Variants in TANC2 observed in about 807,000 individuals in gnomAD.
TANC2 encodes the protein tetratricopeptide repeat, ankyrin repeat and coiled-coil containing 2, also known as protein TANC2.
In TANC2, 26 loss-of-function variants were observed where a neutral mutation model predicts 210.5. The observed-to-expected ratio is 0.12, with a 90% CI of 0.09 to 0.17. TANC2 has a LOEUF of 0.17. TANC2 is among the 10% of genes least tolerant of loss of function. TANC2 has a pLI of 1.00. For missense variants in TANC2, 2,129 were observed against 2,608.9 expected (o/e 0.82, Z 4.01); for synonymous variants, 931 against 967.1 (o/e 0.96, Z 0.69).
chr17:63,091,648 G>A (rs183773866), intron 3 of TANC2, among the ~76,000 whole-genome samples: 4 of 152,192 alleles, frequency 2.6e-5, no homozygotes, highest in African/African-American at 9.7e-5. Context: ...GTAGCATGAT[G>A]CCTCCAGCTT....
At chr17:63,368,168 C>T (rs534021565) in intron 14 of TANC2, among the ~76,000 whole-genome samples, 10 of 152,092 alleles carry the variant, frequency 6.6e-5, no homozygotes, top group Admixed American at 2.6e-4. Context: ...TCAAAAGTGA[C>T]GAGATTTATC....
At chr17:63,262,354 T>A (rs1188979149) in intron 8 of TANC2, among the ~76,000 whole-genome samples, 5 of 152,124 alleles carry the variant, frequency 3.3e-5, no homozygotes. Flanking sequence ...AGTTTTTTTG[T>A]TTGTTTGTTT....
intron 3 of TANC2, among the ~76,000 whole-genome samples, chr17:63,087,934 A>G (rs189745040): frequency 7.2e-5 from 11 of 152,238 alleles, no homozygotes; most frequent in Admixed American, 2.6e-4. Flanking sequence ...TGATTTTTCA[A>G]CGTGTTTAGT....
intron 8 of TANC2, among the ~76,000 whole-genome samples, chr17:63,266,490 A>AC (rs2043532020): frequency 1.3e-5 from 2 of 152,204 alleles, no homozygotes; most frequent in Non-Finnish European, 2.9e-5. Context: ...ACTTACTGTC[A>AC]TAATTCTTGT....
At chr17:63,166,570 C>T (rs2040218830) in intron 5 of TANC2, among the ~76,000 whole-genome samples, 1 of 152,140 alleles carries the variant, frequency 6.6e-6, no homozygotes, top group African/African-American at 2.4e-5. Flanking sequence ...ATTTAAGATT[C>T]TAACTGCAAA....
At chr17:63,338,028 G>A (rs1200895259) in intron 11 of TANC2, among the ~76,000 whole-genome samples, 4 of 152,160 alleles carry the variant, frequency 2.6e-5, no homozygotes, top group African/African-American at 2.4e-5. Context: ...ATTGATGGGC[G>A]TTAAGGTTGA....
chr17:63,226,697 C>T (rs544467300), intron 7 of TANC2, among the ~76,000 whole-genome samples: 41 of 152,250 alleles, frequency 2.7e-4, no homozygotes, highest in Non-Finnish European at 4.7e-4. Flanking sequence ...CCTATCAACC[C>T]GTCACCTAGG....
intron 8 of TANC2, among the ~76,000 whole-genome samples, chr17:63,260,512 G>A (rs963063469): frequency 1.3e-5 from 2 of 152,334 alleles, no homozygotes; most frequent in East Asian, 1.9e-4. Flanking sequence ...ATCTGGGTGC[G>A]ATGGCCCACG....
intron 7 of TANC2, among the ~76,000 whole-genome samples, chr17:63,210,187 A>G (rs1178075963): frequency 6.6e-6 from 1 of 151,978 alleles, no homozygotes; most frequent in African/African-American, 2.4e-5. Flanking sequence ...CCCAAGGCTG[A>G]CTCTCAGCCT....
intron 19 of TANC2, among the ~76,000 whole-genome samples, chr17:63,399,781 T>C (rs983099908): frequency 6.6e-6 from 1 of 152,230 alleles, no homozygotes; most frequent in Non-Finnish European, 1.5e-5. Context: ...CTTGAACTCA[T>C]TTAAAATTTA....
At chr17:63,267,475 C>T (rs571038173) in intron 8 of TANC2, among the ~76,000 whole-genome samples, 1 of 152,092 alleles carries the variant, frequency 6.6e-6, no homozygotes, top group South Asian at 2.1e-4. Flanking sequence ...AATATTTAAT[C>T]CCTCTGTTTA....
At chr17:63,016,401 C>G (rs544154190) in intron 2 of TANC2, among the ~76,000 whole-genome samples, 6 of 152,212 alleles carry the variant, frequency 3.9e-5, no homozygotes, top group South Asian at 4.2e-4. Flanking sequence ...ATGGTGAAAC[C>G]CTGTCTCTAC....
chr17:62,980,880 C>T (rs1174884290), intron 1 of TANC2, among the ~76,000 whole-genome samples: 2 of 152,200 alleles, frequency 1.3e-5, no homozygotes, highest in African/African-American at 4.8e-5. Context: ...TCCTCATTTC[C>T]TTTTCCAACT....
At chr17:62,983,398 A>G (rs577371023) in intron 1 of TANC2, among the ~76,000 whole-genome samples, 40 of 152,106 alleles carry the variant, frequency 2.6e-4, no homozygotes, top group Non-Finnish European at 4.7e-4. Flanking sequence ...TGCATATAAG[A>G]TCATGTCATC....
chr17:63,188,253 C>T (rs2041061501), intron 5 of TANC2, among the ~76,000 whole-genome samples: 1 of 150,834 alleles, frequency 6.6e-6, no homozygotes, highest in Non-Finnish European at 1.5e-5. Context: ...CACCTGAGCT[C>T]AGAGGTTCCG....
chr17:63,175,156 A>G (rs2040532321), intron 5 of TANC2, among the ~76,000 whole-genome samples: 1 of 152,230 alleles, frequency 6.6e-6, no homozygotes, highest in Non-Finnish European at 1.5e-5. Flanking sequence ...TCAAAAGGAT[A>G]ACGAAGTTTA....
intron 19 of TANC2, among the ~76,000 whole-genome samples, chr17:63,401,665 C>T (rs370854006): frequency 1.4e-4 from 21 of 152,248 alleles, no homozygotes; most frequent in African/African-American, 4.8e-4. Flanking sequence ...CTGCTGACCC[C>T]CTCCCATCCC....
chr17:63,388,236 T>TA (rs1436889677), intron 15 of TANC2: 3 of 154,818 alleles, frequency 1.9e-5, no homozygotes, highest in African/African-American at 7.2e-5. Context: ...GCCTGGGAAA[T>TA]AGAGTTTTTC....
At chr17:63,071,922 G>A (rs2036411450) in intron 2 of TANC2, among the ~76,000 whole-genome samples, 1 of 152,090 alleles carries the variant, frequency 6.6e-6, no homozygotes, top group African/African-American at 2.4e-5. Flanking sequence ...ACATCCTTGG[G>A]TTAAAATCCA....
Sources: gnomAD v4.1 joint callset for allele counts (sites outside exome capture counted in the v4.1 genomes callset) on GRCh38, gnomAD v4.1.1 for gene constraint, MANE v1.5 for transcripts, NCBI Gene and HGNC (gene_info 2026-07-23, HGNC 2026-07-21) for gene names.